Variants in PDE4B observed in about 807,000 individuals in gnomAD.
PDE4B encodes phosphodiesterase 4B.
In PDE4B, 20 loss-of-function variants were observed where a neutral mutation model predicts 82.2. The ratio of observed to expected loss-of-function variants is 0.24; its 90% confidence interval spans 0.17 to 0.35. PDE4B has a LOEUF of 0.35. PDE4B is among the 10% of genes least tolerant of loss of function. PDE4B has a pLI of 1.00. For missense variants in PDE4B, 655 were observed against 907.2 expected, an observed-to-expected ratio of 0.72 and a Z score of 3.57; for synonymous variants, 320 against 318.9, an observed-to-expected ratio of 1.00 and a Z score of -0.04.
At chr1:66,369,898 A>G (rs1420536054) in intron 16 of PDE4B, among the ~76,000 whole-genome samples, 2 of 152,120 alleles carry the variant, frequency 1.3e-5, no homozygotes, top group Non-Finnish European at 2.9e-5. Context: ...CCTGTAATCC[A>G]GCACTTTGGG....
chr1:66,117,676 G>A (rs1443227132), intron 3 of PDE4B, among the ~76,000 whole-genome samples: 3 of 152,116 alleles, frequency 2.0e-5, no homozygotes, highest in African/African-American at 7.2e-5. Context: ...AAGTGAGGTA[G>A]TTTCTGGGAT....
intron 3 of PDE4B, among the ~76,000 whole-genome samples, chr1:66,025,062 A>G (rs1007174342): frequency 2.6e-5 from 4 of 152,024 alleles, no homozygotes; most frequent in Non-Finnish European, 5.9e-5. Context: ...AGCTTTGTTA[A>G]TTATTTAAAT....
chr1:66,286,310 A>G (rs1015172864), intron 7 of PDE4B, among the ~76,000 whole-genome samples: 1 of 152,096 alleles, frequency 6.6e-6, no homozygotes, highest in African/African-American at 2.4e-5. Flanking sequence ...ACTAATTATG[A>G]ATCACAGGTG....
chr1:65,865,825 G>A (rs1325092957), intron 1 of PDE4B, among the ~76,000 whole-genome samples: 1 of 151,990 alleles, frequency 6.6e-6, no homozygotes, highest in Non-Finnish European at 1.5e-5. Flanking sequence ...GTTTTTATTC[G>A]GCCATCTTGC....
At chr1:66,025,431 C>A (rs979571892) in intron 3 of PDE4B, among the ~76,000 whole-genome samples, 2 of 152,062 alleles carry the variant, frequency 1.3e-5, no homozygotes, top group African/African-American at 4.8e-5. Context: ...GTTGGAATAA[C>A]TCATAGAGTA....
At chr1:66,168,304 T>C (rs749462858) in intron 3 of PDE4B, among the ~76,000 whole-genome samples, 5 of 152,080 alleles carry the variant, frequency 3.3e-5, no homozygotes, top group South Asian at 2.1e-4. Context: ...GTACAGATGA[T>C]ACATATAATA....
intron 3 of PDE4B, among the ~76,000 whole-genome samples, chr1:66,067,010 C>A (rs1256434065): frequency 6.6e-6 from 1 of 151,940 alleles, no homozygotes; most frequent in East Asian, 1.9e-4. Context: ...TTATAATATT[C>A]ACACAACAAA....
At chr1:66,227,543 T>C (rs1488532893) in intron 3 of PDE4B, among the ~76,000 whole-genome samples, 2 of 152,238 alleles carry the variant, frequency 1.3e-5, no homozygotes, top group African/African-American at 4.8e-5. Context: ...TACTCTGAGA[T>C]ATGCCTTTTG....
At position 66,203,472 on chromosome 1, in the gene PDE4B, T is replaced by A. The variant is rs534268498; in HGVS notation, c.282-43988T>A. Among the ~76,000 whole-genome samples, 17 of 152,344 alleles carry A rather than the reference T, an allele frequency of 1.1e-4. No homozygotes were observed. In the South Asian group the frequency reaches 3.1e-3, roughly 28 times the overall value. On this transcript the variant is annotated intron_variant, in intron 3 of 16. Transcript: ENST00000341517. ...AACTTGGTTCCATTCTCCCTGTCAC[T>A]TTCAGGTACACCAATCAGACGTAGA...
At chr1:66,272,814 G>C (rs2101752863) in intron 7 of PDE4B, among the ~76,000 whole-genome samples, 1 of 124,770 alleles carries the variant, frequency 8.0e-6, no homozygotes, top group Middle Eastern at 4.5e-3. Flanking sequence ...TGGAGGGACG[G>C]AGTCTCACTC....
chr1:66,196,134 T>G (rs1471473236), intron 3 of PDE4B, among the ~76,000 whole-genome samples: 1 of 152,200 alleles, frequency 6.6e-6, no homozygotes, highest in Non-Finnish European at 1.5e-5. Flanking sequence ...GGAATTAACT[T>G]AAAACTAGAA....
intron 3 of PDE4B, among the ~76,000 whole-genome samples, chr1:66,087,210 A>G (rs1293819603): frequency 1.3e-5 from 2 of 152,142 alleles, no homozygotes; most frequent in Non-Finnish European, 2.9e-5. Flanking sequence ...GTAGGCCAGT[A>G]TTTTTAAAAG....
chr1:65,930,427 A>C (rs1647766883), intron 3 of PDE4B, among the ~76,000 whole-genome samples: 1 of 152,146 alleles, frequency 6.6e-6, no homozygotes, highest in Admixed American at 6.5e-5. Flanking sequence ...GGCAGCTTGT[A>C]CCCTGCACCT....
At chr1:66,247,418 C>G (rs772596085) in intron 3 of PDE4B, 42 bp from the exon 4 acceptor site, 20 of 1,412,796 alleles carry the variant, frequency 1.4e-5, no homozygotes, top group Non-Finnish European at 1.4e-5. Flanking sequence ...TGTCCTCCTC[C>G]ATGGTTATCA....
chr1:66,195,991 T>A (rs1185887496), intron 3 of PDE4B, among the ~76,000 whole-genome samples: 1 of 152,142 alleles, frequency 6.6e-6, no homozygotes, highest in Non-Finnish European at 1.5e-5. Flanking sequence ...GTATGTCCAA[T>A]GTATACGAGA....
intron 3 of PDE4B, among the ~76,000 whole-genome samples, chr1:66,243,248 T>C (rs1329967318): frequency 6.6e-6 from 1 of 151,998 alleles, no homozygotes; most frequent in East Asian, 1.9e-4. Flanking sequence ...CACAAGGCAG[T>C]GGGGTCTGAG....
intron 3 of PDE4B, among the ~76,000 whole-genome samples, chr1:66,051,187 C>T (rs1293284189): frequency 6.6e-6 from 1 of 151,552 alleles, no homozygotes; most frequent in African/African-American, 2.4e-5. Context: ...TGCACATGTA[C>T]CCTAAAACTT....
intron 3 of PDE4B, among the ~76,000 whole-genome samples, chr1:66,001,670 C>A (rs1003579498): frequency 6.6e-6 from 1 of 151,960 alleles, no homozygotes; most frequent in Non-Finnish European, 1.5e-5. Flanking sequence ...GGGTAAATAT[C>A]TTAGAGTGGC....
intron 3 of PDE4B, among the ~76,000 whole-genome samples, chr1:65,948,770 T>C (rs1419579740): frequency 6.6e-6 from 1 of 152,080 alleles, no homozygotes; most frequent in Non-Finnish European, 1.5e-5. Context: ...TTTGGAAATA[T>C]CTGAGTAATT....
Sources: allele counts gnomAD v4.1 joint callset (sites outside exome capture counted in the v4.1 genomes callset), GRCh38; gene constraint gnomAD v4.1.1; transcripts MANE v1.5; gene names NCBI Gene and HGNC (gene_info 2026-07-23, HGNC 2026-07-21).